Variants in ATP10D observed in about 807,000 individuals in gnomAD.
The protein encoded by ATP10D is phospholipid-transporting ATPase VD.
Under a neutral mutation model 144.8 loss-of-function variants are expected in ATP10D, and 89 were observed. The ratio of observed to expected loss-of-function variants is 0.61; its 90% CI spans 0.52 to 0.73. The LOEUF is 0.73. ATP10D is among the 30% of genes least tolerant of loss of function. The probability of loss-of-function intolerance (pLI) is 0.00; values close to 1 mark genes in which losing one functional copy is unlikely to be tolerated. For synonymous variants in ATP10D, 571 were observed against 615.1 expected, an observed-to-expected ratio of 0.93 and a Z score of 1.06; for missense variants, 1,603 against 1,714.8, an observed-to-expected ratio of 0.93 and a Z score of 1.15.
chr4:47,495,586 G>A (rs1577606990), intron 1 of ATP10D, among the ~76,000 whole-genome samples: 2 of 152,078 alleles, frequency 1.3e-5, no homozygotes, highest in Admixed American at 1.3e-4. Flanking sequence ...CACTGTTAAT[G>A]TTTTTAAAAA....
At chr4:47,535,122 A>G (rs1717770961) in intron 5 of ATP10D, among the ~76,000 whole-genome samples, 1 of 152,084 alleles carries the variant, frequency 6.6e-6, no homozygotes, top group Non-Finnish European at 1.5e-5. Flanking sequence ...TTTAGTACAT[A>G]TAGACACAAA....
chr4:47,558,920 C>T lies in ATP10D; in HGVS notation c.2435-3C>T. 6.2e-7 allele frequency: 1 copy of T among 1,609,032 alleles called. No homozygotes were observed. The highest frequency in any genetic ancestry group is 8.5e-7 in the Non-Finnish European group (1 of 1,176,874). On this transcript the variant is annotated splice_region_variant and splice_polypyrimidine_tract_variant and intron_variant, in intron 12 of 22. Transcript: ENST00000273859. ...AACTCAAGCATCTTGTCCATTATTTCAGATGGAGCAAGTCTGGAGAAACAA... is the reference window on the plus strand; with the variant it reads ...AACTCAAGCATCTTGTCCATTATTTTAGATGGAGCAAGTCTGGAGAAACAA...
intron 1 of ATP10D, among the ~76,000 whole-genome samples, chr4:47,495,879 C>T (rs187360350): frequency 2.6e-5 from 4 of 151,718 alleles, no homozygotes; most frequent in South Asian, 2.1e-4. Context: ...CTGGGATTAC[C>T]GGCATGCGCC....
At chr4:47,513,656 T>C (rs1716480936) in intron 2 of ATP10D, among the ~76,000 whole-genome samples, 1 of 152,024 alleles carries the variant, frequency 6.6e-6, no homozygotes, top group Admixed American at 6.6e-5. Context: ...GCCTGGGAAA[T>C]AGTGTTCTCT....
At chr4:47,502,666 CATATAA>C (rs1384595735) in intron 1 of ATP10D, among the ~76,000 whole-genome samples, 1 of 147,708 alleles carries the variant, frequency 6.8e-6, no homozygotes, top group Non-Finnish European at 1.5e-5. Context: ...TAATATTACA[CATATAA>C]ATATATATTA....
intron 5 of ATP10D, among the ~76,000 whole-genome samples, chr4:47,528,971 G>A (rs979960436): frequency 6.6e-6 from 1 of 151,922 alleles, no homozygotes; most frequent in Non-Finnish European, 1.5e-5. Context: ...AGAAATGTCT[G>A]TTGATGTCTT....
intron 10 of ATP10D, among the ~76,000 whole-genome samples, chr4:47,548,551 T>A (rs28414421): frequency 2.0e-5 from 3 of 152,026 alleles, no homozygotes; most frequent in African/African-American, 7.2e-5. Flanking sequence ...AAGGCTGGCA[T>A]GTCCATTCTC....
At chr4:47,555,068 C>T (rs1277505661) in intron 11 of ATP10D, among the ~76,000 whole-genome samples, 154 bp downstream of exon 11, 1 of 152,166 alleles carries the variant, frequency 6.6e-6, no homozygotes, top group East Asian at 1.9e-4. Flanking sequence ...TCTGCACTTA[C>T]CATGGTCTAT....
At chr4:47,561,565 C>T (rs1020541675) in intron 14 of ATP10D, among the ~76,000 whole-genome samples, 1 of 152,116 alleles carries the variant, frequency 6.6e-6, no homozygotes, top group East Asian at 1.9e-4. Flanking sequence ...ACATGGAGCT[C>T]ATGTTTGCCT....
At chr4:47,554,145 G>T (rs1267622859) in intron 10 of ATP10D, among the ~76,000 whole-genome samples, 2 of 152,168 alleles carry the variant, frequency 1.3e-5, no homozygotes, top group Non-Finnish European at 2.9e-5. Context: ...AAGTATAGTT[G>T]CCAAATGTAT....
At chr4:47,515,208 G>C (rs1010769304) in intron 2 of ATP10D, among the ~76,000 whole-genome samples, 2 of 151,968 alleles carry the variant, frequency 1.3e-5, no homozygotes, top group East Asian at 3.9e-4. Flanking sequence ...TGATCTGCCC[G>C]CCTCGGCCTC....
At chr4:47,553,747 A>G (rs554506671) in intron 10 of ATP10D, among the ~76,000 whole-genome samples, 25 of 152,336 alleles carry the variant, frequency 1.6e-4, no homozygotes, top group Non-Finnish European at 3.5e-4. Context: ...TATTAAACCT[A>G]TGCTAACTCT....
chr4:47,497,465 A>C (rs1427643589), intron 1 of ATP10D, among the ~76,000 whole-genome samples: 1 of 152,124 alleles, frequency 6.6e-6, no homozygotes, highest in East Asian at 1.9e-4. Flanking sequence ...CAAATAAAAA[A>C]AAAAATAGAT....
At chr4:47,535,463 C>T (rs751379898) in intron 5 of ATP10D, 46 bp from the exon 6 acceptor site, 2 of 1,438,288 alleles carry the variant, frequency 1.4e-6, no homozygotes, top group East Asian at 2.4e-5. Flanking sequence ...TTTATATCCC[C>T]ACTTTTGCTG....
chr4:47,504,667 A>G (rs1206263747), intron 1 of ATP10D, among the ~76,000 whole-genome samples: 1 of 151,972 alleles, frequency 6.6e-6, no homozygotes, highest in Non-Finnish European at 1.5e-5. Flanking sequence ...GGTTCACGCC[A>G]TTCTGCTGCC....
intron 5 of ATP10D, among the ~76,000 whole-genome samples, chr4:47,531,272 T>C (rs187203931): frequency 6.6e-6 from 1 of 152,148 alleles, no homozygotes; most frequent in African/African-American, 2.4e-5. Context: ...GAGGGAACCA[T>C]GCAGTGGAAA....
At chr4:47,522,063 T>G (rs1716970444) in intron 3 of ATP10D, among the ~76,000 whole-genome samples, 1 of 152,238 alleles carries the variant, frequency 6.6e-6, no homozygotes, top group Non-Finnish European at 1.5e-5. Context: ...ATATTAGTTT[T>G]TTATGGATAT....
At chr4:47,575,980 G>A (rs896590872) in intron 18 of ATP10D, among the ~76,000 whole-genome samples, 1 of 138,546 alleles carries the variant, frequency 7.2e-6, no homozygotes, top group African/African-American at 2.8e-5. Context: ...CGCCCAGGCT[G>A]GAGTGCAGTG....
At position 47,522,997 on chromosome 4, in the gene ATP10D, T is replaced by A; in HGVS notation, c.486-15T>A. On this transcript the variant is annotated splice_polypyrimidine_tract_variant and intron_variant, in intron 3 of 22. Transcript: ENST00000273859. ...TTGATATTCTTTTTTTTTTTTAACT[T>A]TTTTTTAATTACAGGAAAGAGAAAA... The A allele has an allele frequency of 6.3e-7, 1 of 1,575,074 alleles. No homozygotes were observed.
Sources: allele counts gnomAD v4.1 joint callset (sites outside exome capture counted in the v4.1 genomes callset), GRCh38; gene constraint gnomAD v4.1.1; transcripts MANE v1.5; gene names NCBI Gene and HGNC (gene_info 2026-07-23, HGNC 2026-07-21).